TOPAZ1: variants seen among roughly 807,000 people sequenced by gnomAD.
The protein encoded by TOPAZ1 is protein TOPAZ1.
In TOPAZ1, 66 loss-of-function variants were observed where a neutral mutation model predicts 172.2. The observed-to-expected ratio is 0.38, with a 90% confidence interval of 0.31 to 0.47. TOPAZ1 has a LOEUF of 0.47. Among genes scored for constraint, TOPAZ1 ranks in the 20% least tolerant of loss-of-function variants. TOPAZ1 has a pLI of 0.99. For synonymous variants in TOPAZ1, 681 were observed against 683.9 expected (o/e 1.00, Z 0.07); for missense variants, 1,822 against 1,972.4 (o/e 0.92, Z 1.44).
At chr3:44,269,067 GA>G in intron 6 of TOPAZ1, 148 bp from the exon 7 acceptor site, 1 of 604,258 alleles carries the variant, frequency 1.7e-6, no homozygotes, top group Non-Finnish European at 3.0e-6. Context: ...TATTTCACAG[GA>G]ACACACATGG....
chr3:44,269,138 G>T (rs529777980), intron 6 of TOPAZ1, 78 bp from the exon 7 acceptor site: 14 of 805,334 alleles, frequency 1.7e-5, no homozygotes, highest in Non-Finnish European at 2.7e-5. Flanking sequence ...GCAGATAGTA[G>T]TGATCATCTA....
At chr3:44,304,263 T>C (rs1700310148) in intron 13 of TOPAZ1, among the ~76,000 whole-genome samples, 182 bp downstream of exon 13, 1 of 152,212 alleles carries the variant, frequency 6.6e-6, no homozygotes. Context: ...AAGGCAAACG[T>C]TTTAATTTCT....
intron 2 of TOPAZ1, 88 bp downstream of exon 2, chr3:44,245,359 T>C (rs941010846): frequency 2.3e-6 from 3 of 1,287,948 alleles, no homozygotes; most frequent in Non-Finnish European, 2.1e-6. Context: ...TTCAGTGATA[T>C]TGAAGCTCCA....
intron 9 of TOPAZ1, among the ~76,000 whole-genome samples, chr3:44,286,765 A>C (rs981362739): frequency 1.3e-5 from 2 of 152,330 alleles, no homozygotes; most frequent in East Asian, 3.9e-4. Context: ...TAATGTAAAT[A>C]ATTTTAGTAA....
chr3:44,306,182 T>G (rs752536618), intron 14 of TOPAZ1, 144 bp from the exon 15 acceptor site: 5 of 506,810 alleles, frequency 9.9e-6, no homozygotes, highest in Non-Finnish European at 1.8e-5. Context: ...AAAACCATTG[T>G]TGGCTCCTAG....
At chr3:44,308,332 G>C (rs1700358818) in intron 15 of TOPAZ1, among the ~76,000 whole-genome samples, 1 of 138,792 alleles carries the variant, frequency 7.2e-6, no homozygotes, top group Non-Finnish European at 1.5e-5. Context: ...CTGTGTCCAA[G>C]TGTTCTCATT....
chr3:44,249,061 A>G (rs1490908918), intron 2 of TOPAZ1, among the ~76,000 whole-genome samples: 1 of 152,228 alleles, frequency 6.6e-6, no homozygotes, highest in Admixed American at 6.5e-5. Flanking sequence ...AACGTTTGAA[A>G]TAGCCTGTAT....
intron 18 of TOPAZ1, among the ~76,000 whole-genome samples, chr3:44,323,671 A>G (rs1454061675): frequency 6.6e-6 from 1 of 152,252 alleles, no homozygotes; most frequent in Non-Finnish European, 1.5e-5. Context: ...TCTCTGCTAT[A>G]TCCCTAATTG....
At position 44,241,999 on chromosome 3, in the gene TOPAZ1, G is replaced by C. The variant is rs1699481777; in HGVS notation, c.-55G>C. 2 of 1,485,686 alleles carry C rather than the reference G, an allele frequency of 1.3e-6. No homozygotes were observed. Among genetic ancestry groups the C allele is most frequent in the Admixed American group, 4.2e-5 (2 of 47,618 alleles). 92.0% of individuals were successfully genotyped at this position (1,485,686 alleles called of 1,614,324 possible). A position where few individuals can be genotyped will look rare whatever the true frequency, so the allele number is the denominator to read the frequency against. The stretch of plus-strand genomic sequence containing the variant: ...CAGGCGGGAGCAGCGTTTGCACCGC[G>C]GTGGGTTCCTGCGAGCTGGTGCAGA... On this transcript the variant is annotated 5_prime_UTR_variant, in exon 1 of 20. Transcript: ENST00000309765.
chr3:44,279,386 G>C (rs2125690042), intron 8 of TOPAZ1, among the ~76,000 whole-genome samples: 1 of 152,242 alleles, frequency 6.6e-6, no homozygotes, highest in East Asian at 1.9e-4. Context: ...TTTCTGTCTA[G>C]ATGTTCTGTC....
At chr3:44,262,568 T>C (rs1391678813) in intron 5 of TOPAZ1, 85 bp downstream of exon 5, 2 of 675,628 alleles carry the variant, frequency 3.0e-6, no homozygotes, top group African/African-American at 3.7e-5. Flanking sequence ...TTCTCTGCTG[T>C]TTATATGCTT....
chr3:44,318,480 G>A (rs1051691076), intron 16 of TOPAZ1, among the ~76,000 whole-genome samples: 17 of 116,700 alleles, frequency 1.5e-4, no homozygotes, highest in African/African-American at 5.5e-4. Flanking sequence ...CCTACTGAGG[G>A]CCACGGTGGG....
Position 44,243,825 on chromosome 3 carries a change from T to TGGCATCGAA in TOPAZ1, c.1320_1328dup (p.Ala441_Lys443dup). 7 of 1,551,724 alleles carry TGGCATCGAA rather than the reference T, an allele frequency of 4.5e-6. No homozygotes were observed. The highest frequency in any genetic ancestry group is 6.1e-6 in the Non-Finnish European group (7 of 1,146,994). On this transcript the variant is annotated inframe_insertion, in exon 2 of 20. Transcript: ENST00000309765. Reference sequence around the variant, plus strand: ...TCAGAGCCGTTAGGTTATGAAAGCATGGCATCGAAAGAGGATTTTAAATCG... The same window carrying TGGCATCGAA: ...TCAGAGCCGTTAGGTTATGAAAGCATGGCATCGAAGGCATCGAAAGAGGATTTTAAATCG...
intron 15 of TOPAZ1, among the ~76,000 whole-genome samples, chr3:44,308,504 CA>C (rs1700361021): frequency 6.6e-6 from 1 of 152,126 alleles, no homozygotes; most frequent in African/African-American, 2.4e-5. Flanking sequence ...ATATGTGCCA[CA>C]TTTTTTTAAT....
intron 16 of TOPAZ1, among the ~76,000 whole-genome samples, chr3:44,313,617 CAAA>C (rs63007860): frequency 5.2e-4 from 52 of 99,690 alleles, no homozygotes; most frequent in Admixed American, 9.2e-4. Context: ...GACTCTGTCT[CAAA>C]AAAAAAAAAA....
chr3:44,246,005 C>T (rs904122117), intron 2 of TOPAZ1, among the ~76,000 whole-genome samples: 14 of 152,030 alleles, frequency 9.2e-5, no homozygotes, highest in African/African-American at 3.1e-4. Flanking sequence ...CCTCCTTGTT[C>T]GATAAAAAGT....
chr3:44,254,992 A>T lies in TOPAZ1; in HGVS notation c.2790A>T (p.Gly930=). 1 of 1,551,564 alleles carries T rather than the reference A, an allele frequency of 6.4e-7. No homozygotes were observed. Among genetic ancestry groups the T allele is most frequent in the Non-Finnish European group, 8.7e-7 (1 of 1,146,800 alleles). ...GAGAACTTCCTGTACTGGACTGTGGATGGATAAAGCCAGACATCTGTGCTT... is the reference window on the plus strand; with the variant it reads ...GAGAACTTCCTGTACTGGACTGTGGTTGGATAAAGCCAGACATCTGTGCTT... ...DLRELPVLDC[G]WIKPDICASN... The change falls in exon 3 of 20, where the codon GGA becomes GGT. Residue 930 remains glycine (G), a synonymous_variant. Transcript: ENST00000309765.
chr3:44,303,031 C>T (rs532218742), intron 12 of TOPAZ1, among the ~76,000 whole-genome samples: 17 of 152,184 alleles, frequency 1.1e-4, no homozygotes, highest in African/African-American at 3.6e-4. Context: ...GTAGGATTCA[C>T]CATATTAACC....
At chr3:44,304,152 T>C in intron 13 of TOPAZ1, 71 bp downstream of exon 13, 2 of 907,750 alleles carry the variant, frequency 2.2e-6, no homozygotes, top group Non-Finnish European at 3.3e-6. Flanking sequence ...AAGGTTTGAA[T>C]AATAACCCCA....
Sources: allele counts gnomAD v4.1 joint callset (sites outside exome capture counted in the v4.1 genomes callset), GRCh38; gene constraint gnomAD v4.1.1; transcripts MANE v1.5; gene names NCBI Gene and HGNC (gene_info 2026-07-23, HGNC 2026-07-21).